Variants in BICC1 observed in about 807,000 individuals in gnomAD.
The protein encoded by BICC1 is protein bicaudal C homolog 1.
In BICC1, 43 loss-of-function variants were observed where a neutral mutation model predicts 111.0. The observed-to-expected ratio is 0.39, with a 90% CI of 0.30 to 0.50. The LOEUF (loss-of-function observed/expected upper bound fraction) is 0.50. Among genes scored for constraint, BICC1 ranks in the 20% least tolerant of loss-of-function variants. BICC1 has a pLI of 0.88. For synonymous variants in BICC1, 467 were observed against 434.4 expected, an observed-to-expected ratio of 1.07 and a Z score of -0.93; for missense variants, 1,091 against 1,203.2, an observed-to-expected ratio of 0.91 and a Z score of 1.38.
In BICC1 at chr10:58,800,874, TCC is replaced by T; in HGVS notation, c.1859-15_1859-14del. On this transcript the variant is annotated splice_polypyrimidine_tract_variant and intron_variant, in intron 13 of 20. Transcript: ENST00000373886. ...GTTGTTTAGGTGTTTCACTTTTTTT[TCC>T]TTTTCCTCTGCAGGTTGTAATGATG... The T allele has an allele frequency of 1.9e-6, 3 of 1,573,178 alleles. No homozygotes were observed. The highest frequency in any genetic ancestry group is 1.9e-5 in the Admixed American group (1 of 51,458).
Position 58,702,336 on chromosome 10 carries a change from C to G in BICC1, c.307+193C>G, listed in dbSNP as rs4948540. On this transcript the variant is annotated intron_variant, in intron 3 of 20. Coordinates refer to ENST00000373886, the MANE Select transcript of BICC1 (RefSeq NM_001080512.3). ...TTATCCAACAACAGAAAAATATTAA[C>G]TATTAACATTATGATAGAAATGTAA... Among the ~76,000 whole-genome samples, 105,146 of 152,058 alleles carry G rather than the reference C, an allele frequency of 0.69. 39,278 individuals are homozygous for G. The highest frequency in any genetic ancestry group is 0.9 in the East Asian group (4,660 of 5,186).
At chr10:58,636,021 A>T (rs569610769) in intron 2 of BICC1, among the ~76,000 whole-genome samples, 1 of 152,322 alleles carries the variant, frequency 6.6e-6, no homozygotes, top group South Asian at 2.1e-4. Flanking sequence ...TCTTGTTATG[A>T]GTTGATACAC....
chr10:58,651,632 A>G (rs1838452161), intron 2 of BICC1, among the ~76,000 whole-genome samples: 1 of 151,646 alleles, frequency 6.6e-6, no homozygotes, highest in Admixed American at 6.6e-5. Flanking sequence ...TCTTTATTTT[A>G]TGTTTTTGTT....
rs1275374370 is a variant in BICC1, at chr10:58,798,519, C to T, written c.1487C>T (p.Thr496Ile). The change falls in exon 11 of 21, where the codon ACA (threonine) becomes ATA (isoleucine). Residue 496 changes from threonine to isoleucine, a missense_variant. Coordinates refer to ENST00000373886, the MANE Select transcript of BICC1 (RefSeq NM_001080512.3). Reference protein sequence around the residue: ...QSPSSGTPSPTLWAPPLANTS... With the variant: ...QSPSSGTPSPILWAPPLANTS... ...CCAAGTTCTGGTACACCCAGCCCCA[C>T]ATTATGGGCACCCCCACTTGCTAAT... 1 of 1,611,656 alleles carries T rather than the reference C, an allele frequency of 6.2e-7. No homozygotes were observed. Among genetic ancestry groups the T allele is most frequent in the South Asian group, 1.1e-5 (1 of 90,686 alleles).
At chr10:58,798,631 G>T in intron 11 of BICC1, 71 bp downstream of exon 11, 1 of 1,353,674 alleles carries the variant, frequency 7.4e-7, no homozygotes, top group South Asian at 2.0e-5. Context: ...TAAAATTTAC[G>T]AAGGGCTCAG....
intron 20 of BICC1, among the ~76,000 whole-genome samples, chr10:58,824,841 A>G (rs72804447): frequency 0.015 from 2,326 of 152,228 alleles, 37 homozygotes; most frequent in African/African-American, 0.041. Context: ...CCTAATTTCC[A>G]TAGTCTGATG....
intron 2 of BICC1, among the ~76,000 whole-genome samples, chr10:58,622,813 A>G (rs930730010): frequency 7.2e-5 from 11 of 152,216 alleles, no homozygotes; most frequent in Non-Finnish European, 1.6e-4. Context: ...AGGAACTTGC[A>G]TGCAGTCACA....
At chr10:58,762,736 AAATT>A (rs1478258358) in intron 3 of BICC1, among the ~76,000 whole-genome samples, 1 of 152,164 alleles carries the variant, frequency 6.6e-6, no homozygotes, top group Non-Finnish European at 1.5e-5. Flanking sequence ...CTTTACATGA[AAATT>A]AACATCAGTT....
intron 2 of BICC1, among the ~76,000 whole-genome samples, chr10:58,698,301 C>A (rs1415133171): frequency 6.6e-6 from 1 of 152,074 alleles, no homozygotes; most frequent in Non-Finnish European, 1.5e-5. Context: ...GTGGGGTGAG[C>A]CTTGAAGCCC....
At chr10:58,661,117 A>G (rs1379480430) in intron 2 of BICC1, among the ~76,000 whole-genome samples, 1 of 151,862 alleles carries the variant, frequency 6.6e-6, no homozygotes, top group Non-Finnish European at 1.5e-5. Context: ...GATCTAGTGC[A>G]TTGGTAGCAA....
intron 2 of BICC1, among the ~76,000 whole-genome samples, chr10:58,673,948 A>G (rs1027513729): frequency 7.2e-5 from 7 of 96,756 alleles, no homozygotes; most frequent in African/African-American, 1.1e-4. Flanking sequence ...CTTTTAATCT[A>G]TCTCAGGTAA....
intron 1 of BICC1, among the ~76,000 whole-genome samples, chr10:58,574,087 T>C (rs10826200): frequency 0.41 from 62,254 of 151,912 alleles, 13,182 homozygotes; most frequent in Admixed American, 0.59. Flanking sequence ...ACTCATGAAG[T>C]ACCTCTGGGG....
intron 3 of BICC1, among the ~76,000 whole-genome samples, chr10:58,725,202 A>G (rs981395377): frequency 3.2e-4 from 49 of 152,132 alleles, no homozygotes; most frequent in African/African-American, 9.9e-4. Flanking sequence ...TTTGGAGCAC[A>G]TTGTTGCAAA....
intron 8 of BICC1, 80 bp downstream of exon 8, chr10:58,790,013 T>G: frequency 6.8e-7 from 1 of 1,479,690 alleles, no homozygotes; most frequent in Non-Finnish European, 9.2e-7. Context: ...ACTGTACTAA[T>G]GTGATATTTA....
At chr10:58,778,396 A>T (rs987231700) in intron 3 of BICC1, among the ~76,000 whole-genome samples, 4 of 152,200 alleles carry the variant, frequency 2.6e-5, no homozygotes, top group Non-Finnish European at 4.4e-5. Flanking sequence ...GCTATTGACC[A>T]GATGCCTACC....
chr10:58,613,815 G>T (rs1845513684), intron 1 of BICC1, among the ~76,000 whole-genome samples: 1 of 152,170 alleles, frequency 6.6e-6, no homozygotes, highest in Admixed American at 6.5e-5. Flanking sequence ...CAGTTAGGTT[G>T]CTTTGAATAT....
chr10:58,662,617 A>G (rs1230475777), intron 2 of BICC1, among the ~76,000 whole-genome samples: 1 of 152,194 alleles, frequency 6.6e-6, no homozygotes, highest in Non-Finnish European at 1.5e-5. Flanking sequence ...TCGTATTACA[A>G]TGAGAAGGGC....
intron 3 of BICC1, among the ~76,000 whole-genome samples, chr10:58,751,476 A>G (rs74149130): frequency 0.012 from 1,752 of 152,260 alleles, 36 homozygotes; most frequent in African/African-American, 0.04. Flanking sequence ...TCCTTTATTA[A>G]TAATACCTGG....
intron 9 of BICC1, 58 bp from the exon 10 acceptor site, chr10:58,796,282 C>T (rs1212028957): frequency 5.6e-6 from 8 of 1,441,234 alleles, no homozygotes; most frequent in Admixed American, 5.3e-5. Context: ...CTCCCCTCCC[C>T]CATTCATTGT....
Sources: gnomAD v4.1 joint callset for allele counts (sites outside exome capture counted in the v4.1 genomes callset) on GRCh38, gnomAD v4.1.1 for gene constraint, MANE v1.5 for transcripts, NCBI Gene and HGNC (gene_info 2026-07-23, HGNC 2026-07-21) for gene names.